The following TEX11 variants were observed in gnomAD, a reference collection of about 807,000 sequenced individuals.
TEX11 encodes the protein testis-expressed protein 11.
Under a neutral mutation model 84.4 loss-of-function variants are expected in TEX11, and 7 were observed. That is an observed-to-expected ratio of 0.08 (90% CI 0.05 to 0.16). TEX11 has a LOEUF of 0.16. TEX11 is among the 10% of genes least tolerant of loss of function. The pLI, the probability that TEX11 is intolerant of heterozygous loss-of-function variation, is 1.00. For synonymous variants in TEX11, 264 were observed against 222.8 expected, an observed-to-expected ratio of 1.18 and a Z score of -1.64; for missense variants, 551 against 660.5, an observed-to-expected ratio of 0.83 and a Z score of 1.82.
chrX:70,531,024 A>G (rs2087881461), intron 28 of TEX11, among the ~76,000 whole-genome samples: 1 of 110,924 alleles, frequency 9.0e-6, no homozygotes, highest in African/African-American at 3.3e-5. Flanking sequence ...TCATAGACTT[A>G]TACTTTTTCT....
chrX:70,575,386 G>T (rs2088659872), intron 25 of TEX11, among the ~76,000 whole-genome samples: 1 of 111,981 alleles, frequency 8.9e-6, no homozygotes, highest in Admixed American at 9.5e-5. Context: ...AGGATAAGAG[G>T]TGGAACCTTT....
chrX:70,568,155 T>A (rs2088522346), intron 25 of TEX11, among the ~76,000 whole-genome samples: 2 of 111,801 alleles, frequency 1.8e-5, no homozygotes, highest in South Asian at 7.5e-4. Context: ...TTTACCATTA[T>A]GTAATGGCCT....
At chrX:70,832,843 A>G (rs777130079) in intron 8 of TEX11, among the ~76,000 whole-genome samples, 27 of 112,438 alleles carry the variant, frequency 2.4e-4, no homozygotes, top group Admixed American at 9.5e-5. Context: ...TGGCAGTAAG[A>G]TGATTAACTG....
intron 13 of TEX11, among the ~76,000 whole-genome samples, chrX:70,713,457 C>T (rs2090461084): frequency 8.9e-6 from 1 of 111,864 alleles, no homozygotes; most frequent in Non-Finnish European, 1.9e-5. Flanking sequence ...TGATTATTGC[C>T]TCAATGGCAG....
chrX:70,877,256 T>C (rs1343620552), intron 3 of TEX11, among the ~76,000 whole-genome samples: 1 of 108,660 alleles, frequency 9.2e-6, no homozygotes, highest in Non-Finnish European at 1.9e-5. Flanking sequence ...ATCCTGACAC[T>C]GCACTCCAGC....
At chrX:70,706,637 T>G (rs1446170658) in intron 13 of TEX11, among the ~76,000 whole-genome samples, 3 of 111,128 alleles carry the variant, frequency 2.7e-5, no homozygotes, top group Non-Finnish European at 3.8e-5. Flanking sequence ...AATTTTGAGC[T>G]TATCTTCCCC....
At chrX:70,891,983 G>C (rs2091740615) in intron 2 of TEX11, among the ~76,000 whole-genome samples, 1 of 111,417 alleles carries the variant, frequency 9.0e-6, no homozygotes, top group African/African-American at 3.3e-5. Flanking sequence ...CAGCCAGAGA[G>C]AAAGATCAGG....
At chrX:70,792,315 AATATATATATATATATAT>A (rs1556087562) in intron 9 of TEX11, among the ~76,000 whole-genome samples, 12 of 14,910 alleles carry the variant, frequency 8.0e-4, no homozygotes, top group Admixed American at 1.8e-3. Flanking sequence ...AAAAAAAAAA[AATATATATATATATATAT>A]ATATATATAT....
At chrX:70,903,609 G>A (rs2091814518) in intron 2 of TEX11, among the ~76,000 whole-genome samples, 1 of 110,363 alleles carries the variant, frequency 9.1e-6, no homozygotes, top group Non-Finnish European at 1.9e-5. Context: ...AACACGAAAA[G>A]GATAGAGCAT....
intron 17 of TEX11, among the ~76,000 whole-genome samples, chrX:70,640,517 G>C (rs1363051363): frequency 9.0e-6 from 1 of 110,971 alleles, no homozygotes; most frequent in Non-Finnish European, 1.9e-5. Context: ...TGCAGCCAGA[G>C]AGAAACGTCA....
At chrX:70,673,200 G>C (rs1489864525) in intron 15 of TEX11, 1 of 111,787 alleles carries the variant, frequency 8.9e-6, no homozygotes, top group African/African-American at 3.3e-5. Flanking sequence ...GCTCACTGCA[G>C]CCTTAAACTC....
chrX:70,598,934 T>G (rs1207329913), intron 24 of TEX11, among the ~76,000 whole-genome samples: 3 of 112,310 alleles, frequency 2.7e-5, no homozygotes, highest in Non-Finnish European at 5.6e-5. Context: ...GTAAGGGGTT[T>G]CTTTTTAGGG....
intron 9 of TEX11, among the ~76,000 whole-genome samples, chrX:70,791,435 C>T (rs7879568): frequency 0.071 from 7,947 of 111,688 alleles, 236 homozygotes; most frequent in East Asian, 0.13. Context: ...CCACTGACAG[C>T]GTTAGACAGA....
At chrX:70,808,053 G>A (rs1232270021) in intron 8 of TEX11, among the ~76,000 whole-genome samples, 2 of 87,183 alleles carry the variant, frequency 2.3e-5, no homozygotes, top group African/African-American at 9.4e-5. Flanking sequence ...GCAGTAAGCC[G>A]AGATCGTGCC....
At chrX:70,757,228 T>C (rs143881616) in intron 9 of TEX11, among the ~76,000 whole-genome samples, 167 of 111,368 alleles carry the variant, frequency 1.5e-3, no homozygotes, top group African/African-American at 5.1e-3. Flanking sequence ...TTCCCCAACC[T>C]AGCAAGGCAG....
At chrX:70,609,055 C>T in intron 22 of TEX11, 36 bp downstream of exon 22, 1 of 1,108,674 alleles carries the variant, frequency 9.0e-7, no homozygotes, top group Non-Finnish European at 1.2e-6. Context: ...TCCACCACCC[C>T]ACAATGTTTC....
In TEX11 at chrX:70,590,304, CT is replaced by C. The variant is rs374402147; in HGVS notation, c.2140+1446del. ...ATGTTTATGTTCTTCCTTATAATTC[CT>C]ATAATTTGATACTCAAACTGCCAAA... On this transcript the variant is annotated intron_variant, in intron 25 of 29. Transcript: ENST00000374333. Among the ~76,000 whole-genome samples the C allele has an allele frequency of 5.8e-3, 648 of 111,237 alleles. 4 individuals carry two copies. Among genetic ancestry groups the C allele is most frequent in the African/African-American group, 0.02 (621 of 30,661 alleles).
At chrX:70,783,672 C>T (rs1349296232) in intron 9 of TEX11, among the ~76,000 whole-genome samples, 1 of 111,994 alleles carries the variant, frequency 8.9e-6, no homozygotes, top group African/African-American at 3.2e-5. Flanking sequence ...GAAATACAAA[C>T]TGCCATCAGA....
chrX:70,749,212 GCT>G (rs2090792941), intron 9 of TEX11, among the ~76,000 whole-genome samples: 1 of 107,629 alleles, frequency 9.3e-6, no homozygotes, highest in Admixed American at 1.0e-4. Flanking sequence ...TCATGATTTG[GCT>G]CTCTGTTTGT....
Sources: allele counts gnomAD v4.1 joint callset (sites outside exome capture counted in the v4.1 genomes callset), GRCh38; gene constraint gnomAD v4.1.1; transcripts MANE v1.5; gene names NCBI Gene and HGNC (gene_info 2026-07-23, HGNC 2026-07-21).